The following KCNIP4 variants were observed in gnomAD, a reference collection of about 807,000 sequenced individuals.
KCNIP4 encodes potassium voltage-gated channel interacting protein 4.
A neutral mutation model predicts 34.0 loss-of-function variants in KCNIP4; 12 were observed. The observed-to-expected ratio is 0.35, with a 90% CI of 0.23 to 0.57. The LOEUF is 0.57. Ranked by LOEUF, KCNIP4 falls within the 20% of genes least tolerant of loss-of-function variation. The probability of loss-of-function intolerance (pLI) is 0.83; values close to 1 mark genes in which losing one functional copy is unlikely to be tolerated. For synonymous variants in KCNIP4, 124 were observed against 102.2 expected, an observed-to-expected ratio of 1.21 and a Z score of -1.29; for missense variants, 238 against 311.7, an observed-to-expected ratio of 0.76 and a Z score of 1.78.
intron 1 of KCNIP4, among the ~76,000 whole-genome samples, chr4:21,210,046 A>G (rs550722722): frequency 1.3e-5 from 2 of 152,302 alleles, no homozygotes; most frequent in East Asian, 3.9e-4. Context: ...CTCTAGGAGA[A>G]TGACACCACG....
In KCNIP4 at chr4:20,729,048, G is replaced by GAATTTTGCTTGCT. The variant is rs35485958; in HGVS notation, c.*1021_*1033dup. 12 of 152,150 alleles carry GAATTTTGCTTGCT rather than the reference G, an allele frequency of 7.9e-5. No individual in the cohort carries two copies. In the East Asian group the frequency reaches 2.3e-3, roughly 29 times the overall value. The allele number at this position is 152,150 out of a possible 1,614,324, so 9.4% of individuals were successfully genotyped here. ...ATGGAACCACTGGTGCTTTCAAAGT[G>GAATTTTGCTTGCT]AATTTTGCTTGCTAATTTTGCTTGC... On this transcript the variant is annotated 3_prime_UTR_variant, in exon 9 of 9. Transcript: ENST00000382152.
At position 21,455,826 on chromosome 4, in the gene KCNIP4, T is replaced by G. The variant is rs1728899190; in HGVS notation, c.61+492745A>C. The stretch of plus-strand genomic sequence containing the variant: ...AGATATTCATATATATATATATATA[T>G]ATATATATATATATATATATATATA... On this transcript the variant is annotated intron_variant, in intron 1 of 8. Transcript: ENST00000382152. 3.8e-5 allele frequency among the ~76,000 whole-genome samples: 4 copies of G among 105,592 alleles called. 1 individual carries two copies. The South Asian group carries it at 1.2e-3, about 32-fold the overall frequency. 69.3% of individuals were successfully genotyped at this position (105,592 alleles called of 152,430 possible).
chr4:21,389,726 A>T (rs1327855878), intron 1 of KCNIP4, among the ~76,000 whole-genome samples: 7 of 151,954 alleles, frequency 4.6e-5, no homozygotes, highest in Admixed American at 1.3e-4. Context: ...GTTGGTTCCA[A>T]GTCTTTTCTA....
chr4:21,255,633 T>A (rs1029706999), intron 1 of KCNIP4, among the ~76,000 whole-genome samples: 9 of 142,922 alleles, frequency 6.3e-5, no homozygotes, highest in South Asian at 4.4e-4. Context: ...CTTAGTATCT[T>A]TACCTTTAAA....
chr4:21,178,241 T>C (rs1263016170), intron 1 of KCNIP4, among the ~76,000 whole-genome samples: 1 of 152,194 alleles, frequency 6.6e-6, no homozygotes, highest in Non-Finnish European at 1.5e-5. Flanking sequence ...TTAATTCTGA[T>C]TATATATGCA....
chr4:21,346,657 G>A (rs1261285951), intron 1 of KCNIP4, among the ~76,000 whole-genome samples: 1 of 151,956 alleles, frequency 6.6e-6, no homozygotes, highest in African/African-American at 2.4e-5. Context: ...TTAGTACATT[G>A]CTTCTCAAAC....
At chr4:20,758,051 A>G (rs1754631925) in intron 4 of KCNIP4, among the ~76,000 whole-genome samples, 1 of 152,178 alleles carries the variant, frequency 6.6e-6, no homozygotes, top group Admixed American at 6.5e-5. Context: ...ATTACATCCT[A>G]TTCCTCTTAA....
Position 20,758,384 on chromosome 4 carries a change from A to T in KCNIP4, c.358+437T>A, listed in dbSNP as rs7674875. Among the ~76,000 whole-genome samples, 341 of 152,284 alleles carry T rather than the reference A, an allele frequency of 2.2e-3. 2 individuals carry two copies. The highest frequency in any genetic ancestry group is 7.2e-3 in the African/African-American group (299 of 41,560). On this transcript the variant is annotated intron_variant, in intron 4 of 8. Transcript: ENST00000382152. ...AGGTTATAACCCAGATCTGCCACTG[A>T]GTCAATATGTGGCCCTGAGCAAACC...
Position 20,803,470 on chromosome 4 carries a change from CAAAAAAAAAAAAAAAAAAAAAA to C in KCNIP4, c.289-44602_289-44581del, listed in dbSNP as rs551176038. Among the ~76,000 whole-genome samples the C allele has an allele frequency of 5.2e-3, 451 of 85,910 alleles. 6 individuals are homozygous for C. The highest frequency in any genetic ancestry group is 7.7e-3 in the Non-Finnish European group (349 of 45,262). The allele number at this position is 85,910 out of a possible 152,430, so 56.4% of individuals were successfully genotyped here. ...GAACATGGCAAAACCTCATCTTTAC[CAAAAAAAAAAAAAAAAAAAAAA>C]AAAAAAAAAAAAAAATTAGCTGGGT... On this transcript the variant is annotated intron_variant, in intron 3 of 8. Coordinates refer to ENST00000382152, the MANE Select transcript of KCNIP4 (RefSeq NM_025221.6).
intron 1 of KCNIP4, among the ~76,000 whole-genome samples, chr4:21,416,176 A>G (rs1243372081): frequency 6.6e-6 from 1 of 152,244 alleles, no homozygotes; most frequent in East Asian, 1.9e-4. Flanking sequence ...AACAAAGCCC[A>G]ATGTATTTAA....
chr4:21,676,038 A>G (rs1371309292), intron 1 of KCNIP4, among the ~76,000 whole-genome samples: 2 of 152,174 alleles, frequency 1.3e-5, no homozygotes, highest in Non-Finnish European at 2.9e-5. Context: ...TGAGAAAACC[A>G]TATGGAGCAT....
intron 1 of KCNIP4, among the ~76,000 whole-genome samples, chr4:21,662,737 C>T (rs1236189354): frequency 6.6e-6 from 1 of 152,036 alleles, no homozygotes; most frequent in Admixed American, 6.6e-5. Flanking sequence ...AAAGTATTAA[C>T]CAAGAAAAAG....
At chr4:21,367,468 T>C (rs866155795) in intron 1 of KCNIP4, among the ~76,000 whole-genome samples, 4 of 130,836 alleles carry the variant, frequency 3.1e-5, no homozygotes, top group South Asian at 2.3e-4. Flanking sequence ...CTGGAGACTC[T>C]ACCTAACTGG....
chr4:21,585,293 GGTCCAGGA>G (rs1464926944), intron 1 of KCNIP4, among the ~76,000 whole-genome samples: 38 of 151,990 alleles, frequency 2.5e-4, no homozygotes, highest in African/African-American at 8.9e-4. Flanking sequence ...GACCTGGCCT[GGTCCAGGA>G]ACTCTGCTTC....
intron 1 of KCNIP4, among the ~76,000 whole-genome samples, chr4:21,254,833 T>C (rs1163167224): frequency 6.6e-6 from 1 of 152,178 alleles, no homozygotes; most frequent in African/African-American, 2.4e-5. Flanking sequence ...CCCTTTACTC[T>C]TTCACACCTT....
At chr4:21,145,648 C>T (rs1411086046) in intron 1 of KCNIP4, among the ~76,000 whole-genome samples, 2 of 152,158 alleles carry the variant, frequency 1.3e-5, no homozygotes, top group Non-Finnish European at 2.9e-5. Context: ...GAAAAGGGCC[C>T]TGATTAAAGA....
At chr4:21,871,234 T>TCCCTCCC (rs1725781771) in intron 1 of KCNIP4, among the ~76,000 whole-genome samples, 1 of 113,428 alleles carries the variant, frequency 8.8e-6, no homozygotes. Context: ...CCTAATGCTA[T>TCCCTCCC]CCCTCCCCCC....
chr4:21,600,730 G>A (rs1743043045), intron 1 of KCNIP4, among the ~76,000 whole-genome samples: 1 of 151,962 alleles, frequency 6.6e-6, no homozygotes, highest in South Asian at 2.1e-4. Flanking sequence ...TTTCCCCATG[G>A]TTGTGAGCTG....
At chr4:21,088,066 A>G (rs1367278224) in intron 1 of KCNIP4, among the ~76,000 whole-genome samples, 1 of 152,156 alleles carries the variant, frequency 6.6e-6, no homozygotes, top group Non-Finnish European at 1.5e-5. Context: ...TCAAATGTGT[A>G]CTGAGATGTC....
Sources: allele counts gnomAD v4.1 joint callset (sites outside exome capture counted in the v4.1 genomes callset), GRCh38; gene constraint gnomAD v4.1.1; transcripts MANE v1.5; gene names NCBI Gene and HGNC (gene_info 2026-07-23, HGNC 2026-07-21).